DNM3: variants seen among roughly 807,000 people sequenced by gnomAD.
The protein encoded by DNM3 is dynamin 3.
In DNM3, 47 loss-of-function variants were observed where a neutral mutation model predicts 101.6. The observed-to-expected ratio is 0.46, with a 90% CI of 0.37 to 0.59. DNM3 has a LOEUF of 0.59. Ranked by LOEUF, DNM3 falls within the 20% of genes least tolerant of loss-of-function variation. DNM3 has a pLI of 0.00. For synonymous variants in DNM3, 385 were observed against 387.9 expected (o/e 0.99, Z 0.09); for missense variants, 849 against 1,085.7 (o/e 0.78, Z 3.06).
rs537079943 is a variant in DNM3, at chr1:172,393,550, C to T, written c.2522+4741C>T. On this transcript the variant is annotated intron_variant, in intron 20 of 20. Coordinates refer to ENST00000627582, the MANE Select transcript of DNM3 (RefSeq NM_015569.5). ...AGTGACTAGCCTGTGTCTGATTCCC[C>T]TGCAGTCATGTACTGAAAACCTCCT... 8 of 152,796 alleles carry T rather than the reference C, an allele frequency of 5.2e-5. No homozygotes were observed. In the East Asian group the frequency reaches 9.6e-4, roughly 18 times the overall value. 9.5% of individuals were successfully genotyped at this position (152,796 alleles called of 1,614,324 possible). A position where few individuals can be genotyped will look rare whatever the true frequency, so the allele number is the denominator to read the frequency against.
intron 14 of DNM3, among the ~76,000 whole-genome samples, chr1:172,200,040 G>T (rs1189358045): frequency 6.6e-6 from 1 of 151,986 alleles, no homozygotes; most frequent in Non-Finnish European, 1.5e-5. Context: ...GTTTTAGCTG[G>T]TAGTGGTCTT....
At chr1:171,877,012 T>A (rs1269201401) in intron 1 of DNM3, among the ~76,000 whole-genome samples, 1 of 152,204 alleles carries the variant, frequency 6.6e-6, no homozygotes, top group Non-Finnish European at 1.5e-5. Context: ...AGTAAGATTT[T>A]TTTCATCTGT....
rs141454658 is a variant in DNM3 at position 172,405,875 on chromosome 1, A to G, written c.2523-1897A>G. Reference sequence around the variant, plus strand: ...GAGTCACCAAGGATCTCAATCCTACATGTCACTTTAGCTACTTTTTTTTTT... The same window carrying G: ...GAGTCACCAAGGATCTCAATCCTACGTGTCACTTTAGCTACTTTTTTTTTT... On this transcript the variant is annotated intron_variant, in intron 20 of 20. Coordinates refer to ENST00000627582, the MANE Select transcript of DNM3 (RefSeq NM_015569.5). 3.8e-4 allele frequency among the ~76,000 whole-genome samples: 57 copies of G among 151,114 alleles called. No individual in the cohort carries two copies. In the East Asian group the frequency reaches 0.01, roughly 28 times the overall value.
chr1:172,320,750 G>T (rs936495781), intron 16 of DNM3, among the ~76,000 whole-genome samples: 3 of 152,066 alleles, frequency 2.0e-5, no homozygotes, highest in South Asian at 2.1e-4. Context: ...ATGCACTCTG[G>T]GGGGATAGGC....
chr1:172,413,462 C>G (rs1227796336), downstream of DNM3, among the ~76,000 whole-genome samples: 3 of 152,144 alleles, frequency 2.0e-5, no homozygotes, highest in Non-Finnish European at 2.9e-5. Context: ...CTCTTGACCT[C>G]GTGATCTGCC....
intron 2 of DNM3, among the ~76,000 whole-genome samples, chr1:171,946,137 G>T (rs541416379): frequency 6.6e-6 from 1 of 152,234 alleles, no homozygotes; most frequent in African/African-American, 2.4e-5. Flanking sequence ...AAATTTCTTT[G>T]TGCGTTTCAA....
At chr1:172,160,764 CATT>C (rs1238225122) in intron 14 of DNM3, among the ~76,000 whole-genome samples, 7 of 151,956 alleles carry the variant, frequency 4.6e-5, no homozygotes, top group Admixed American at 6.6e-5. Context: ...TGCTTATTAT[CATT>C]ATTAAGTACT....
chr1:172,382,672 G>A (rs893591046), intron 18 of DNM3, among the ~76,000 whole-genome samples: 1 of 152,146 alleles, frequency 6.6e-6, no homozygotes, highest in Non-Finnish European at 1.5e-5. Context: ...TACCCCCACA[G>A]GGTATTCATG....
Position 172,387,328 on chromosome 1 carries a change from G to C in DNM3, c.2254G>C (p.Val752Leu). 6.2e-7 allele frequency: 1 copy of C among 1,613,816 alleles called. No individual in the cohort carries two copies. Among genetic ancestry groups the C allele is most frequent in the Non-Finnish European group, 8.5e-7 (1 of 1,179,812 alleles). The part of the protein sequence containing the change: ...ATVSTPAPPP[V>L]DDSWIQHSRR... ...CGTGTCCACTCCGGCACCCCCTCCAGTGGATGACTCCTGGATACAGCACTC... is the reference window on the plus strand; with the variant it reads ...CGTGTCCACTCCGGCACCCCCTCCACTGGATGACTCCTGGATACAGCACTC... The change falls in exon 19 of 21, where the codon GTG (valine) becomes CTG (leucine). Residue 752 changes from valine to leucine, a missense_variant. Coordinates refer to ENST00000627582, the MANE Select transcript of DNM3 (RefSeq NM_015569.5).
At chr1:171,904,204 C>T (rs1006542187) in intron 1 of DNM3, among the ~76,000 whole-genome samples, 13 of 151,206 alleles carry the variant, frequency 8.6e-5, no homozygotes, top group African/African-American at 2.7e-4. Context: ...CCCAGCTACT[C>T]GGGAGGCTGA....
At chr1:172,263,542 A>G (rs1184731169) in intron 15 of DNM3, among the ~76,000 whole-genome samples, 1 of 152,202 alleles carries the variant, frequency 6.6e-6, no homozygotes, top group Non-Finnish European at 1.5e-5. Flanking sequence ...ATAGTTCCAC[A>G]TGGCTGGGGA....
intron 13 of DNM3, among the ~76,000 whole-genome samples, chr1:172,116,022 A>G (rs762919787): frequency 6.6e-6 from 1 of 152,198 alleles, no homozygotes; most frequent in Non-Finnish European, 1.5e-5. Context: ...TATTCAACGG[A>G]TGGATGGATG....
rs1241992045 is a variant in DNM3, at chr1:171,943,947, T to C, written c.235+22126T>C. On this transcript the variant is annotated intron_variant, in intron 2 of 20. Transcript: ENST00000627582. ...ATTTCCCCTATGAATGTATTATTGA[T>C]TTTTGATAGAATAAATTCAATAAAG... Among the ~76,000 whole-genome samples, 6 of 152,202 alleles carry C rather than the reference T, an allele frequency of 3.9e-5. 1 individual carries two copies. Among genetic ancestry groups the C allele is most frequent in the African/African-American group, 1.4e-4 (6 of 41,446 alleles).
chr1:172,315,000 C>T (rs578039691), intron 16 of DNM3, among the ~76,000 whole-genome samples: 1 of 152,172 alleles, frequency 6.6e-6, no homozygotes. Flanking sequence ...CCAGTAGGGG[C>T]AGACTGACAC....
intron 14 of DNM3, among the ~76,000 whole-genome samples, chr1:172,230,245 G>GT (rs986236698): frequency 1.3e-5 from 2 of 152,020 alleles, no homozygotes; most frequent in African/African-American, 4.8e-5. Context: ...ATAAAACTGG[G>GT]TTTTTTCAAT....
chr1:172,288,038 G>A lies in DNM3; in HGVS notation c.1770-20690G>A, dbSNP rs144886464. ...ATACTAAGCTAATTCAACCATTGGC[G>A]AACACTTTATTCTGTCATGCATTCA... On this transcript the variant is annotated intron_variant, in intron 15 of 20. Coordinates refer to ENST00000627582, the MANE Select transcript of DNM3 (RefSeq NM_015569.5). Among the ~76,000 whole-genome samples the A allele has an allele frequency of 5.3e-3, 809 of 152,128 alleles. 4 individuals carry two copies. The highest frequency in any genetic ancestry group is 0.018 in the African/African-American group (741 of 41,494).
intron 1 of DNM3, among the ~76,000 whole-genome samples, chr1:171,912,220 A>G (rs1453935194): frequency 1.3e-5 from 2 of 151,836 alleles, no homozygotes. Context: ...CAGGGCAAAA[A>G]CTGGTTCTTG....
At position 172,408,508 on chromosome 1, in the gene DNM3, A is replaced by C; in HGVS notation, c.*667A>C. 4 of 985,396 alleles carry C rather than the reference A, an allele frequency of 4.1e-6. No homozygotes were observed. Among genetic ancestry groups the C allele is most frequent in the Non-Finnish European group, 4.8e-6 (4 of 829,898 alleles). The allele number at this position is 985,396 out of a possible 1,614,324, so 61.0% of individuals were successfully genotyped here. A position where few individuals can be genotyped will look rare whatever the true frequency, so the allele number is the denominator to read the frequency against. On this transcript the variant is annotated 3_prime_UTR_variant, in exon 21 of 21. Coordinates refer to ENST00000627582, the MANE Select transcript of DNM3 (RefSeq NM_015569.5). ...ATGCTAGAAGCATATGCAACAGTGA[A>C]TAAAAGCTTCTTTTTTTGTTAATCA...
chr1:172,307,869 T>G (rs2064906645), intron 15 of DNM3, among the ~76,000 whole-genome samples: 1 of 151,536 alleles, frequency 6.6e-6, no homozygotes, highest in Non-Finnish European at 1.5e-5. Context: ...CCAGGGCCTG[T>G]CATAGGGTGG....
Sources: allele counts gnomAD v4.1 joint callset (sites outside exome capture counted in the v4.1 genomes callset), GRCh38; gene constraint gnomAD v4.1.1; transcripts MANE v1.5; gene names NCBI Gene and HGNC (gene_info 2026-07-23, HGNC 2026-07-21).